Variants in SNX13 observed in about 807,000 individuals in gnomAD.
SNX13 encodes the protein sorting nexin-13.
In SNX13, 45 loss-of-function variants were observed where a neutral mutation model predicts 133.6. That is an observed-to-expected ratio of 0.34 (90% CI 0.27 to 0.43). The LOEUF (loss-of-function observed/expected upper bound fraction) is 0.43, where lower values mean the gene tolerates loss of function less well. SNX13 is among the 20% of genes least tolerant of loss of function. SNX13 has a pLI of 1.00. For synonymous variants in SNX13, 414 were observed against 373.9 expected, an observed-to-expected ratio of 1.11 and a Z score of -1.24; for missense variants, 1,032 against 1,145.1, an observed-to-expected ratio of 0.90 and a Z score of 1.43.
At chr7:17,856,785 TAAAAAAAAAA>T (rs200753998) in intron 9 of SNX13, among the ~76,000 whole-genome samples, 1 of 97,584 alleles carries the variant, frequency 1.0e-5, no homozygotes, top group Non-Finnish European at 2.1e-5. Flanking sequence ...GAGACTCTCT[TAAAAAAAAAA>T]AAAAAAAAGA....
intron 5 of SNX13, among the ~76,000 whole-genome samples, chr7:17,876,128 TAAG>T (rs1446664404): frequency 6.6e-6 from 1 of 152,250 alleles, no homozygotes; most frequent in Non-Finnish European, 1.5e-5. Flanking sequence ...AGCCCCAACA[TAAG>T]AATACATAAG....
intron 5 of SNX13, chr7:17,882,463 G>A (rs1795458192): frequency 6.6e-6 from 1 of 152,098 alleles, no homozygotes; most frequent in African/African-American, 2.4e-5. Flanking sequence ...TGTATTTTAT[G>A]TTTAGAATCA....
At chr7:17,938,782 G>T (rs1802411339) in intron 1 of SNX13, among the ~76,000 whole-genome samples, 1 of 152,146 alleles carries the variant, frequency 6.6e-6, no homozygotes, top group Non-Finnish European at 1.5e-5. Context: ...TTAAGGAAAA[G>T]ATCATATCAT....
intron 1 of SNX13, among the ~76,000 whole-genome samples, chr7:17,929,856 T>C (rs1040038775): frequency 7.9e-5 from 12 of 152,186 alleles, no homozygotes; most frequent in Non-Finnish European, 2.9e-5. Flanking sequence ...ATCTCACTCT[T>C]AGTATTCACT....
At chr7:17,927,210 AAT>A (rs1238006229) in intron 1 of SNX13, among the ~76,000 whole-genome samples, 2 of 149,676 alleles carry the variant, frequency 1.3e-5, no homozygotes, top group African/African-American at 2.4e-5. Context: ...GTGTATATAT[AAT>A]ATATATGTGT....
intron 16 of SNX13, among the ~76,000 whole-genome samples, chr7:17,828,738 A>G (rs1465285492): frequency 6.6e-6 from 1 of 151,572 alleles, no homozygotes; most frequent in Non-Finnish European, 1.5e-5. Context: ...ATTCTGGTTT[A>G]TATTACCATG....
At chr7:17,860,493 C>T (rs1249400748) in intron 9 of SNX13, among the ~76,000 whole-genome samples, 2 of 152,176 alleles carry the variant, frequency 1.3e-5, no homozygotes, top group African/African-American at 4.8e-5. Flanking sequence ...TACACTCCCA[C>T]TCTCTATTGC....
At chr7:17,915,625 G>A (rs923565741) in intron 1 of SNX13, among the ~76,000 whole-genome samples, 1 of 151,094 alleles carries the variant, frequency 6.6e-6, no homozygotes, top group African/African-American at 2.5e-5. Context: ...CTGTCTGTCT[G>A]TCTGTCTCTC....
intron 20 of SNX13, among the ~76,000 whole-genome samples, chr7:17,811,638 A>G (rs994734833): frequency 6.6e-6 from 1 of 152,212 alleles, no homozygotes; most frequent in Admixed American, 6.5e-5. Flanking sequence ...ACAGAATTAG[A>G]AAAAACTACT....
chr7:17,843,025 C>G (rs1241485440), intron 12 of SNX13, among the ~76,000 whole-genome samples: 1 of 151,748 alleles, frequency 6.6e-6, no homozygotes, highest in African/African-American at 2.4e-5. Flanking sequence ...GTAGAAAAGA[C>G]TATCAAAAAA....
At chr7:17,858,444 A>C (rs73081365) in intron 9 of SNX13, among the ~76,000 whole-genome samples, 7,282 of 152,138 alleles carry the variant, frequency 0.048, 225 homozygotes, top group South Asian at 0.11. Context: ...AAAATGTGAA[A>C]GATACATAAA....
intron 1 of SNX13, among the ~76,000 whole-genome samples, chr7:17,934,077 A>C (rs1217806998): frequency 6.6e-6 from 1 of 152,306 alleles, no homozygotes; most frequent in East Asian, 1.9e-4. Context: ...TTGTTGATAG[A>C]CACAGTATTT....
chr7:17,886,767 C>T (rs975791402), intron 5 of SNX13, among the ~76,000 whole-genome samples: 1 of 152,038 alleles, frequency 6.6e-6, no homozygotes, highest in Non-Finnish European at 1.5e-5. Flanking sequence ...ATTCTTATTT[C>T]CTAACATGTC....
intron 11 of SNX13, among the ~76,000 whole-genome samples, chr7:17,847,587 A>G (rs972133989): frequency 3.9e-5 from 6 of 152,236 alleles, no homozygotes; most frequent in Admixed American, 6.5e-5. Flanking sequence ...ACAAAACCAC[A>G]GCAAAAATGT....
chr7:17,876,947 G>A (rs1422292190), intron 5 of SNX13, among the ~76,000 whole-genome samples: 1 of 148,754 alleles, frequency 6.7e-6, no homozygotes, highest in East Asian at 2.0e-4. Context: ...CTAGACAATG[G>A]AGGAACCAAA....
At chr7:17,855,735 C>T (rs559322666) in intron 9 of SNX13, among the ~76,000 whole-genome samples, 36 of 152,276 alleles carry the variant, frequency 2.4e-4, no homozygotes, top group African/African-American at 8.7e-4. Context: ...CTGGTCGCCC[C>T]AGAGCTCTGA....
At chr7:17,903,401 C>G (rs1798046919) in intron 1 of SNX13, among the ~76,000 whole-genome samples, 1 of 152,156 alleles carries the variant, frequency 6.6e-6, no homozygotes, top group African/African-American at 2.4e-5. Context: ...CTGTGGAAAT[C>G]ATACACCTCA....
chr7:17,817,372 C>T (rs1786780262), intron 18 of SNX13, among the ~76,000 whole-genome samples: 1 of 152,216 alleles, frequency 6.6e-6, no homozygotes, highest in Admixed American at 6.5e-5. Context: ...CCTTGTGATA[C>T]ATATCCTAAA....
chr7:17,872,149 G>A (rs533551862), intron 8 of SNX13, among the ~76,000 whole-genome samples: 239 of 152,322 alleles, frequency 1.6e-3, no homozygotes, highest in Middle Eastern at 6.8e-3. Flanking sequence ...TTGGAAAGGC[G>A]TTTAAAGCCA....
Sources: allele counts gnomAD v4.1 joint callset (sites outside exome capture counted in the v4.1 genomes callset), GRCh38; gene constraint gnomAD v4.1.1; transcripts MANE v1.5; gene names NCBI Gene and HGNC (gene_info 2026-07-23, HGNC 2026-07-21).